Variants in DMD observed in about 807,000 individuals in gnomAD.
DMD encodes the protein dystrophin.
A neutral mutation model predicts 330.1 loss-of-function variants in DMD; 63 were observed. That is an observed-to-expected ratio of 0.19 (90% CI 0.16 to 0.24). DMD has a LOEUF of 0.24. DMD is among the 10% of genes least tolerant of loss of function. DMD has a pLI of 1.00. For synonymous variants in DMD, 1,223 were observed against 959.8 expected, an observed-to-expected ratio of 1.27 and a Z score of -5.07; for missense variants, 3,344 against 2,684.1, an observed-to-expected ratio of 1.25 and a Z score of -5.43.
At chrX:31,207,406 T>C (rs1200599732) in intron 65 of DMD, among the ~76,000 whole-genome samples, 1 of 111,524 alleles carries the variant, frequency 9.0e-6, no homozygotes, top group Non-Finnish European at 1.9e-5. Context: ...AATAAGCTAA[T>C]TTTATCCATG....
At chrX:31,782,001 G>GT (rs2091035947) in intron 50 of DMD, among the ~76,000 whole-genome samples, 1 of 111,218 alleles carries the variant, frequency 9.0e-6, no homozygotes, top group African/African-American at 3.3e-5. Context: ...TCATTCCTCA[G>GT]AAGTAGAAAT....
intron 4 of DMD, among the ~76,000 whole-genome samples, chrX:32,843,060 G>A (rs771102251): frequency 9.0e-5 from 10 of 111,595 alleles, no homozygotes; most frequent in South Asian, 3.7e-4. Flanking sequence ...TGCCAGCCTC[G>A]GCCTCCCACA....
intron 48 of DMD, among the ~76,000 whole-genome samples, chrX:31,853,923 A>T (rs1249718754): frequency 8.9e-6 from 1 of 111,938 alleles, no homozygotes; most frequent in African/African-American, 3.3e-5. Context: ...GGGTTGACCC[A>T]GCATCTCGAT....
chrX:32,059,411 G>A (rs1022146039), intron 44 of DMD, among the ~76,000 whole-genome samples: 1 of 111,174 alleles, frequency 9.0e-6, no homozygotes, highest in African/African-American at 3.3e-5. Context: ...TCGTGAGGGT[G>A]GGAGCACCAT....
chrX:33,058,146 C>A (rs1189374896), intron 1 of DMD, among the ~76,000 whole-genome samples: 2 of 112,317 alleles, frequency 1.8e-5, no homozygotes, highest in African/African-American at 6.5e-5. Context: ...TCCCAAAGTG[C>A]TAGGATTACA....
rs2032398519 is a variant in DMD at position 31,121,090 on chromosome X, C to A, written c.*829G>T. On this transcript the variant is annotated 3_prime_UTR_variant, in exon 79 of 79. Transcript: ENST00000357033. Reference sequence around the variant, plus strand: ...GGCTCCGGGAAAAATCCATTCTAGACCAAGCAGGTAAGCCTGGATGACTGA... The same window carrying A: ...GGCTCCGGGAAAAATCCATTCTAGAACAAGCAGGTAAGCCTGGATGACTGA... 8.9e-6 allele frequency: 1 copy of A among 111,774 alleles called. No homozygotes were observed. Among genetic ancestry groups the A allele is most frequent in the Non-Finnish European group, 1.9e-5 (1 of 53,089 alleles). The allele number at this position is 111,774 out of a possible 1,213,427, so 9.2% of individuals were successfully genotyped here.
chrX:33,235,604 T>A (rs1313781515), intron 1 of DMD, among the ~76,000 whole-genome samples: 1 of 111,546 alleles, frequency 9.0e-6, no homozygotes, highest in Non-Finnish European at 1.9e-5. Context: ...AACAGTTTAA[T>A]CATTTAGGGA....
intron 44 of DMD, among the ~76,000 whole-genome samples, chrX:32,004,406 TAC>T (rs1277843397): frequency 8.9e-6 from 1 of 111,796 alleles, no homozygotes; most frequent in Non-Finnish European, 1.9e-5. Flanking sequence ...TTTAATAAAT[TAC>T]AGAGTGAATA....
At chrX:31,395,549 C>T (rs2692985) in intron 60 of DMD, among the ~76,000 whole-genome samples, 12,036 of 111,756 alleles carry the variant, frequency 0.11, 564 homozygotes, top group Middle Eastern at 0.17. Context: ...CACAGTTCTA[C>T]ACAATGATAT....
At chrX:31,791,316 G>T (rs2091559499) in intron 50 of DMD, among the ~76,000 whole-genome samples, 2 of 111,597 alleles carry the variant, frequency 1.8e-5, no homozygotes, top group Non-Finnish European at 3.8e-5. Context: ...CCAACTAAAG[G>T]TTGTCAATAT....
chrX:33,107,080 G>A (rs1358767788), intron 1 of DMD, among the ~76,000 whole-genome samples: 1 of 111,837 alleles, frequency 8.9e-6, no homozygotes, highest in Non-Finnish European at 1.9e-5. Flanking sequence ...CGGAGGCAGA[G>A]GTGGGCGGAT....
In DMD at chrX:31,121,202, CTATA is replaced by C. The variant is rs1030897825; in HGVS notation, c.*713_*716del. 9.0e-6 allele frequency: 1 copy of C among 111,451 alleles called. No homozygotes were observed. The highest frequency in any genetic ancestry group is 3.3e-5 in the African/African-American group (1 of 30,623). 9.2% of individuals were successfully genotyped at this position (111,451 alleles called of 1,213,427 possible). On this transcript the variant is annotated 3_prime_UTR_variant, in exon 79 of 79. Transcript: ENST00000357033. ...TCTATAGAAATTCGTATCTCTTTAT[CTATA>C]TAACTATAGTATTTATATACTTATA...
intron 1 of DMD, among the ~76,000 whole-genome samples, chrX:33,190,898 TATATAATATATA>T (rs1284967875): frequency 0.16 from 122 of 741 alleles, 34 homozygotes; most frequent in Non-Finnish European, 0.25. Context: ...TATTATATAT[TATATAATATATA>T]ATATTATATA....
chrX:32,648,875 A>C (rs2059946804), intron 9 of DMD, among the ~76,000 whole-genome samples: 1 of 111,890 alleles, frequency 8.9e-6, no homozygotes, highest in Admixed American at 9.5e-5. Context: ...TCATGGCATC[A>C]AATGAAGAGA....
At chrX:31,625,784 G>T (rs2078803510) in intron 55 of DMD, among the ~76,000 whole-genome samples, 1 of 110,793 alleles carries the variant, frequency 9.0e-6, no homozygotes, top group Non-Finnish European at 1.9e-5. Context: ...TTGTATAGTA[G>T]AAAATAGACG....
At chrX:31,249,274 C>T (rs186307403) in intron 63 of DMD, among the ~76,000 whole-genome samples, 43 of 111,805 alleles carry the variant, frequency 3.8e-4, no homozygotes, top group African/African-American at 1.3e-3. Flanking sequence ...CAGAGTCTCA[C>T]TCTGTTGCCC....
chrX:31,290,336 C>A (rs1380212159), intron 62 of DMD, among the ~76,000 whole-genome samples: 2 of 111,231 alleles, frequency 1.8e-5, no homozygotes, highest in African/African-American at 6.5e-5. Context: ...TGAGCTAATA[C>A]CTCATCCTGA....
chrX:32,754,381 C>G (rs1454596143), intron 7 of DMD, among the ~76,000 whole-genome samples: 2 of 110,039 alleles, frequency 1.8e-5, no homozygotes, highest in African/African-American at 6.6e-5. Flanking sequence ...TTTTACCACT[C>G]TGCCCTCCTG....
chrX:33,133,098 C>T (rs2095508201), intron 1 of DMD, among the ~76,000 whole-genome samples: 1 of 109,728 alleles, frequency 9.1e-6, no homozygotes, highest in Non-Finnish European at 1.9e-5. Context: ...TTTGCCATAT[C>T]TTTGATTTTA....
Sources: gnomAD v4.1 joint callset for allele counts (sites outside exome capture counted in the v4.1 genomes callset) on GRCh38, gnomAD v4.1.1 for gene constraint, MANE v1.5 for transcripts, NCBI Gene and HGNC (gene_info 2026-07-23, HGNC 2026-07-21) for gene names.